The following MMP16 variants were observed in gnomAD, a reference collection of about 807,000 sequenced individuals.
The protein encoded by MMP16 is matrix metallopeptidase 16.
A neutral mutation model predicts 67.8 loss-of-function variants in MMP16; 12 were observed. That is an observed-to-expected ratio of 0.18 (90% CI 0.11 to 0.29). The LOEUF (loss-of-function observed/expected upper bound fraction) is 0.29. Ranked by LOEUF, MMP16 falls within the 10% of genes least tolerant of loss-of-function variation. The pLI is 1.00. For synonymous variants in MMP16, 249 were observed against 255.9 expected (o/e 0.97, Z 0.26); for missense variants, 475 against 765.7 (o/e 0.62, Z 4.48).
chr8:88,209,002 G>A (rs373470665), intron 1 of MMP16, among the ~76,000 whole-genome samples: 2 of 152,010 alleles, frequency 1.3e-5, no homozygotes, highest in South Asian at 2.1e-4. Context: ...AAAAGAAGCC[G>A]TGCTGGAAAA....
chr8:88,320,413 A>T (rs867373053), intron 1 of MMP16, among the ~76,000 whole-genome samples: 1 of 152,282 alleles, frequency 6.6e-6, no homozygotes, highest in Middle Eastern at 3.4e-3. Context: ...CACCAAAAAC[A>T]CCTAGTCACT....
chr8:88,238,444 G>A (rs1809979904), intron 1 of MMP16, among the ~76,000 whole-genome samples: 1 of 151,542 alleles, frequency 6.6e-6, no homozygotes, highest in African/African-American at 2.4e-5. Flanking sequence ...GATCATTTGA[G>A]GTCAGGAGTT....
At chr8:88,205,924 T>G (rs1032981879) in intron 1 of MMP16, among the ~76,000 whole-genome samples, 1 of 152,260 alleles carries the variant, frequency 6.6e-6, no homozygotes, top group Non-Finnish European at 1.5e-5. Flanking sequence ...TTCTTTTTTC[T>G]TTTACCTCAT....
chr8:88,166,040 T>C (rs1808705483), intron 4 of MMP16, among the ~76,000 whole-genome samples: 2 of 152,118 alleles, frequency 1.3e-5, no homozygotes, highest in Admixed American at 6.6e-5. Context: ...CAGTTATTTA[T>C]TATATTTTTT....
chr8:88,049,905 G>A (rs1319083050), intron 8 of MMP16, among the ~76,000 whole-genome samples: 1 of 152,114 alleles, frequency 6.6e-6, no homozygotes, highest in Non-Finnish European at 1.5e-5. Context: ...CACACCTTTA[G>A]TTCCAGCTAC....
chr8:88,133,609 G>A (rs1162344931), intron 4 of MMP16, among the ~76,000 whole-genome samples: 1 of 151,788 alleles, frequency 6.6e-6, no homozygotes, highest in Non-Finnish European at 1.5e-5. Context: ...CTTTGACAAA[G>A]AGATTATGCA....
At chr8:88,046,836 A>C (rs1808205375) in intron 8 of MMP16, 52 bp from the exon 9 acceptor site, 1 of 1,144,382 alleles carries the variant, frequency 8.7e-7, no homozygotes, top group Admixed American at 2.3e-5. Flanking sequence ...CATATAGGGA[A>C]AGATTATGCA....
chr8:88,158,880 A>T (rs993281584), intron 4 of MMP16, among the ~76,000 whole-genome samples: 1 of 152,210 alleles, frequency 6.6e-6, no homozygotes, highest in Non-Finnish European at 1.5e-5. Flanking sequence ...AGCTTTCTAT[A>T]TACGGCTAGC....
At chr8:88,178,972 G>A (rs551340638) in intron 3 of MMP16, among the ~76,000 whole-genome samples, 2 of 151,770 alleles carry the variant, frequency 1.3e-5, no homozygotes, top group Admixed American at 1.3e-4. Context: ...AAAAGAGAAC[G>A]GAATATCCAA....
chr8:88,245,566 G>A (rs560753504), intron 1 of MMP16, among the ~76,000 whole-genome samples: 1 of 152,276 alleles, frequency 6.6e-6, no homozygotes, highest in South Asian at 2.1e-4. Flanking sequence ...GTGAACACAA[G>A]AGGAATATGG....
chr8:88,268,291 G>C (rs563082438), intron 1 of MMP16, among the ~76,000 whole-genome samples: 1 of 152,152 alleles, frequency 6.6e-6, no homozygotes, highest in African/African-American at 2.4e-5. Flanking sequence ...GCAGTGAGCC[G>C]AGACTGTACC....
At chr8:88,175,284 C>A (rs1049756614) in intron 3 of MMP16, among the ~76,000 whole-genome samples, 3 of 152,144 alleles carry the variant, frequency 2.0e-5, no homozygotes, top group African/African-American at 7.2e-5. Flanking sequence ...CTAGATTCCA[C>A]CACTCTCACC....
intron 3 of MMP16, among the ~76,000 whole-genome samples, chr8:88,177,204 G>A (rs998920863): frequency 2.0e-5 from 3 of 152,110 alleles, no homozygotes; most frequent in Non-Finnish European, 4.4e-5. Context: ...GCACATGTGT[G>A]TATATATTTC....
At chr8:88,106,990 A>G (rs917129074) in intron 6 of MMP16, among the ~76,000 whole-genome samples, 1 of 151,232 alleles carries the variant, frequency 6.6e-6, no homozygotes, top group Non-Finnish European at 1.5e-5. Context: ...AAGTATATAT[A>G]CACATAATCA....
At chr8:88,055,076 T>A (rs1808314567) in intron 8 of MMP16, among the ~76,000 whole-genome samples, 1 of 152,106 alleles carries the variant, frequency 6.6e-6, no homozygotes, top group Non-Finnish European at 1.5e-5. Flanking sequence ...TGATTTTTTA[T>A]ATTTTTAAAT....
At chr8:88,320,155 G>A (rs909825529) in intron 1 of MMP16, among the ~76,000 whole-genome samples, 4 of 152,038 alleles carry the variant, frequency 2.6e-5, no homozygotes, top group African/African-American at 4.8e-5. Context: ...TTTGTGGATC[G>A]TTTTTTACAT....
intron 1 of MMP16, among the ~76,000 whole-genome samples, chr8:88,234,510 C>G (rs909320590): frequency 1.3e-5 from 2 of 152,168 alleles, no homozygotes; most frequent in African/African-American, 2.4e-5. Context: ...ATGGGTCCCC[C>G]CAGAAATTAT....
chr8:88,180,342 A>G (rs892590069), intron 3 of MMP16, among the ~76,000 whole-genome samples: 12 of 152,074 alleles, frequency 7.9e-5, no homozygotes, highest in South Asian at 6.2e-4. Context: ...AAAAAAAACA[A>G]CAAAATTTAA....
chr8:88,225,835 T>C (rs1397556049), intron 1 of MMP16, among the ~76,000 whole-genome samples: 1 of 152,058 alleles, frequency 6.6e-6, no homozygotes, highest in Non-Finnish European at 1.5e-5. Context: ...ACAAGTGTTT[T>C]GTCTATTTTG....
Sources: allele counts gnomAD v4.1 joint callset (sites outside exome capture counted in the v4.1 genomes callset), GRCh38; gene constraint gnomAD v4.1.1; transcripts MANE v1.5; gene names NCBI Gene and HGNC (gene_info 2026-07-23, HGNC 2026-07-21).